Variants in HECW1 observed in about 807,000 individuals in gnomAD.
HECW1 encodes E3 ubiquitin-protein ligase HECW1.
A neutral mutation model predicts 182.3 loss-of-function variants in HECW1; 61 were observed. That is an observed-to-expected ratio of 0.33 (90% CI 0.27 to 0.41). HECW1 has a LOEUF of 0.41. HECW1 is among the 10% of genes least tolerant of loss of function. The probability of loss-of-function intolerance (pLI) is 1.00; values close to 1 mark genes in which losing one functional copy is unlikely to be tolerated. For synonymous variants in HECW1, 859 were observed against 832.6 expected (o/e 1.03, Z -0.55); for missense variants, 1,739 against 2,108.9 (o/e 0.82, Z 3.44).
chr7:43,237,971 C>T (rs1374838644), intron 2 of HECW1, among the ~76,000 whole-genome samples: 1 of 152,192 alleles, frequency 6.6e-6, no homozygotes, highest in East Asian at 1.9e-4. Context: ...AGAGTGAAGC[C>T]TGTATCCTTT....
intron 8 of HECW1, among the ~76,000 whole-genome samples, chr7:43,428,363 C>A (rs2076427398): frequency 6.6e-6 from 1 of 152,184 alleles, no homozygotes; most frequent in African/African-American, 2.4e-5. Context: ...AGTTGCCATT[C>A]ATTCATTTTC....
chr7:43,522,218 T>C (rs2080513566), intron 24 of HECW1: 1 of 152,216 alleles, frequency 6.6e-6, no homozygotes, highest in Non-Finnish European at 1.5e-5. Context: ...ATTAGACTTC[T>C]CTGATTATTG....
chr7:43,402,204 G>A (rs2075444501), intron 7 of HECW1, among the ~76,000 whole-genome samples: 1 of 152,112 alleles, frequency 6.6e-6, no homozygotes, highest in South Asian at 2.1e-4. Context: ...TACCAAGAAG[G>A]CAATGAATTG....
intron 8 of HECW1, among the ~76,000 whole-genome samples, chr7:43,435,090 G>A (rs2076668967): frequency 6.6e-6 from 1 of 151,442 alleles, no homozygotes; most frequent in Admixed American, 6.6e-5. Context: ...ACTTAACACT[G>A]CAAAACAAGC....
At chr7:43,393,426 G>A (rs2075115135) in intron 6 of HECW1, among the ~76,000 whole-genome samples, 1 of 152,234 alleles carries the variant, frequency 6.6e-6, no homozygotes, top group Non-Finnish European at 1.5e-5. Flanking sequence ...ACATGCTTCT[G>A]CAACGCATCT....
chr7:43,137,855 C>T (rs1160205386), intron 2 of HECW1, among the ~76,000 whole-genome samples: 10 of 152,042 alleles, frequency 6.6e-5, no homozygotes, highest in African/African-American at 2.2e-4. Flanking sequence ...CAGCCACTTT[C>T]TGCTTTCTTT....
rs1807660087 is a variant in HECW1, at chr7:43,307,037, A to G, written c.28-4726A>G. ...TTAAGTTGGAAAGCAAAACAAATAAACAAAACATTGGTGGCTCTTCTGCTA... is the reference window on the plus strand; with the variant it reads ...TTAAGTTGGAAAGCAAAACAAATAAGCAAAACATTGGTGGCTCTTCTGCTA... On this transcript the variant is annotated intron_variant, in intron 3 of 29. Coordinates refer to ENST00000395891, the MANE Select transcript of HECW1 (RefSeq NM_015052.5). 2.0e-5 allele frequency among the ~76,000 whole-genome samples: 3 copies of G among 152,230 alleles called. No homozygotes were observed. In the South Asian group the frequency reaches 6.2e-4, roughly 31 times the overall value.
In HECW1 at chr7:43,166,827, G is replaced by A. The variant is rs116827430; in HGVS notation, c.-32+52436G>A. On this transcript the variant is annotated intron_variant, in intron 2 of 29. Coordinates refer to ENST00000395891, the MANE Select transcript of HECW1 (RefSeq NM_015052.5). ...ATTACCAGCACAGGACTGAGGGTGG[G>A]GCCAGGGAGGGCAGCACAGGCCCAG... Among the ~76,000 whole-genome samples the A allele has an allele frequency of 5.4e-3, 823 of 152,248 alleles. 8 individuals are homozygous for A. The highest frequency in any genetic ancestry group is 0.019 in the African/African-American group (792 of 41,564).
At chr7:43,401,576 T>TTG (rs1554400199) in intron 7 of HECW1, among the ~76,000 whole-genome samples, 5 of 131,302 alleles carry the variant, frequency 3.8e-5, no homozygotes, top group East Asian at 3.2e-4. Context: ...GGTTTTTTTT[T>TTG]TTTTTTTTTT....
rs76236867 is a variant in HECW1 at position 43,261,982 on chromosome 7, A to G, written c.27+18050A>G. Reference sequence around the variant, plus strand: ...ATGCCTGTAATCCCAGCTCTGTGTGAAGCCAAGGCAGGAGAATCACTTGAG... The same window carrying G: ...ATGCCTGTAATCCCAGCTCTGTGTGGAGCCAAGGCAGGAGAATCACTTGAG... On this transcript the variant is annotated intron_variant, in intron 3 of 29. Coordinates refer to ENST00000395891, the MANE Select transcript of HECW1 (RefSeq NM_015052.5). Among the ~76,000 whole-genome samples the G allele has an allele frequency of 1.8e-3, 273 of 152,282 alleles. 8 individuals are homozygous for G. The East Asian group carries it at 0.051, about 29-fold the overall frequency.
At chr7:43,551,292 G>T (rs2081816607) in intron 27 of HECW1, among the ~76,000 whole-genome samples, 1 of 152,146 alleles carries the variant, frequency 6.6e-6, no homozygotes, top group Non-Finnish European at 1.5e-5. Context: ...AACAAAACAA[G>T]TCTTCCCAGA....
At chr7:43,347,579 A>C (rs372585805) in intron 5 of HECW1, among the ~76,000 whole-genome samples, 1 of 151,362 alleles carries the variant, frequency 6.6e-6, no homozygotes, top group South Asian at 2.1e-4. Flanking sequence ...GAGTGGTGAG[A>C]GTGGTCATCC....
At chr7:43,531,794 G>A (rs1563096545) in intron 24 of HECW1, among the ~76,000 whole-genome samples, 2 of 152,158 alleles carry the variant, frequency 1.3e-5, no homozygotes, top group Non-Finnish European at 1.5e-5. Flanking sequence ...CTCCAGCCTC[G>A]CCACCTGTTC....
At chr7:43,428,842 T>G (rs2076441476) in intron 8 of HECW1, among the ~76,000 whole-genome samples, 1 of 152,162 alleles carries the variant, frequency 6.6e-6, no homozygotes, top group South Asian at 2.1e-4. Flanking sequence ...TCCTATGCTT[T>G]CTTTATAGGT....
chr7:43,383,712 C>T (rs779624026), intron 6 of HECW1, among the ~76,000 whole-genome samples: 8 of 152,154 alleles, frequency 5.3e-5, no homozygotes, highest in Non-Finnish European at 8.8e-5. Context: ...GGCCCTTGAA[C>T]AACACAGGAG....
chr7:43,521,960 C>T (rs2080498200), intron 24 of HECW1, among the ~76,000 whole-genome samples: 2 of 152,152 alleles, frequency 1.3e-5, no homozygotes, highest in Admixed American at 6.5e-5. Flanking sequence ...GGGATCAGTC[C>T]CCCTATAAAA....
intron 2 of HECW1, among the ~76,000 whole-genome samples, chr7:43,156,676 A>G (rs368153264): frequency 1.3e-5 from 2 of 152,174 alleles, no homozygotes; most frequent in African/African-American, 4.8e-5. Flanking sequence ...AGTCCTTAAT[A>G]TTGTACCAGA....
chr7:43,213,700 C>T (rs547053622), intron 2 of HECW1, among the ~76,000 whole-genome samples: 3 of 152,208 alleles, frequency 2.0e-5, no homozygotes, highest in Admixed American at 2.0e-4. Flanking sequence ...CCGCCTCAGC[C>T]TCCAAAAGTG....
At chr7:43,234,659 AT>A (rs1798159601) in intron 2 of HECW1, among the ~76,000 whole-genome samples, 1 of 151,868 alleles carries the variant, frequency 6.6e-6, no homozygotes, top group African/African-American at 2.4e-5. Context: ...TTAACATTTC[AT>A]TTCTCATTTG....
Sources: allele counts gnomAD v4.1 joint callset (sites outside exome capture counted in the v4.1 genomes callset), GRCh38; gene constraint gnomAD v4.1.1; transcripts MANE v1.5; gene names NCBI Gene and HGNC (gene_info 2026-07-23, HGNC 2026-07-21).